ALKAL2: variants seen among roughly 807,000 people sequenced by gnomAD.
The protein encoded by ALKAL2 is AUG-alpha.
A neutral mutation model predicts 18.5 loss-of-function variants in ALKAL2; 8 were observed. The observed-to-expected ratio is 0.43, with a 90% CI of 0.25 to 0.78. ALKAL2 has a LOEUF of 0.78. ALKAL2 is among the 30% of genes least tolerant of loss of function. The pLI is 0.22. For missense variants in ALKAL2, 241 were observed against 211.2 expected, an observed-to-expected ratio of 1.14 and a Z score of -0.88; for synonymous variants, 135 against 95.8, an observed-to-expected ratio of 1.41 and a Z score of -2.39.
At chr2:285,980 G>A (rs1415929015) in intron 4 of ALKAL2, 143 bp downstream of exon 4, 3 of 652,654 alleles carry the variant, frequency 4.6e-6, no homozygotes, top group Non-Finnish European at 8.0e-6. Context: ...ATGGTCTGGC[G>A]ATCTTGGCCC....
rs911236707 is a variant in ALKAL2 at position 283,303 on chromosome 2, G to A, written c.389-128C>T. On this transcript the variant is annotated intron_variant, in intron 4 of 5. Transcript: ENST00000403610. ...TATCTGAATTCCCTGGAAGCAATACGGAGTCTAATCTGCAGGCATGCATTC... is the reference window on the plus strand; with the variant it reads ...TATCTGAATTCCCTGGAAGCAATACAGAGTCTAATCTGCAGGCATGCATTC... 3.4e-5 allele frequency: 49 copies of A among 1,462,400 alleles called. No individual in the cohort carries two copies. In the East Asian group the frequency reaches 5.4e-4, roughly 16 times the overall value. 90.6% of individuals were successfully genotyped at this position (1,462,400 alleles called of 1,614,324 possible).
At chr2:287,539 T>C (rs1185763316) in intron 2 of ALKAL2, 44 bp downstream of exon 2, 1 of 1,315,054 alleles carries the variant, frequency 7.6e-7, no homozygotes, top group Non-Finnish European at 9.8e-7. Flanking sequence ...GACAATTCTA[T>C]TTCCCAGCAG....
chr2:284,646 C>T (rs984504082), intron 4 of ALKAL2, among the ~76,000 whole-genome samples: 1 of 152,202 alleles, frequency 6.6e-6, no homozygotes, highest in Non-Finnish European at 1.5e-5. Context: ...GTATCGAATG[C>T]AGGCACAGCA....
intron 4 of ALKAL2, among the ~76,000 whole-genome samples, chr2:283,788 G>A (rs1670426295): frequency 6.6e-6 from 1 of 152,172 alleles, no homozygotes; most frequent in East Asian, 1.9e-4. Context: ...GGGAAAATAT[G>A]TCCTCTGGGT....
At position 288,071 on chromosome 2, in the gene ALKAL2, C is replaced by G. The variant is rs1670592418; in HGVS notation, c.-116G>C. ...AGGGAGCCGCGGTCTCCTCGACGAT[C>G]ACGCCCGAGGTCCCGCCCACGGGGA... is the stretch of plus-strand genomic sequence containing the variant. On this transcript the variant is annotated 5_prime_UTR_variant, in exon 1 of 6. Transcript: ENST00000403610. 8.3e-7 allele frequency: 1 copy of G among 1,202,228 alleles called. No homozygotes were observed. Among genetic ancestry groups the G allele is most frequent in the Non-Finnish European group, 1.0e-6 (1 of 970,088 alleles). 74.5% of individuals were successfully genotyped at this position (1,202,228 alleles called of 1,614,324 possible). A position where few individuals can be genotyped will look rare whatever the true frequency, so the allele number is the denominator to read the frequency against.
intron 5 of ALKAL2, among the ~76,000 whole-genome samples, chr2:281,579 T>A (rs1670350803): frequency 6.6e-6 from 1 of 152,176 alleles, no homozygotes; most frequent in Non-Finnish European, 1.5e-5. Context: ...CCCACTGACA[T>A]GACCACGTCC....
chr2:287,715 C>G lies in ALKAL2; in HGVS notation c.121G>C (p.Val41Leu). 1.4e-6 allele frequency: 2 copies of G among 1,475,506 alleles called. No individual in the cohort carries two copies. Among genetic ancestry groups the G allele is most frequent in the Middle Eastern group, 2.1e-4 (1 of 4,732 alleles). 91.4% of individuals were successfully genotyped at this position (1,475,506 alleles called of 1,614,324 possible). A position where few individuals can be genotyped will look rare whatever the true frequency, so the allele number is the denominator to read the frequency against. The change falls in exon 2 of 6, where the codon GTG becomes CTG. Residue 41 changes from valine to leucine, a missense_variant. By Grantham distance (32) the Val-to-Leu change is conservative. Coordinates refer to ENST00000403610, the MANE Select transcript of ALKAL2 (RefSeq NM_001002919.3). Reference sequence around the variant, plus strand: ...CGCAGCTCCTGGACGAGTTCCACCACCAGCCGCAGCAGCGCCTGTCCGTCC... The same window carrying G: ...CGCAGCTCCTGGACGAGTTCCACCAGCAGCCGCAGCAGCGCCTGTCCGTCC... ...PADGQALLRL[V>L]VELVQELRKH...
intron 5 of ALKAL2, among the ~76,000 whole-genome samples, chr2:281,892 A>G (rs532573785): frequency 6.6e-6 from 1 of 152,314 alleles, no homozygotes; most frequent in East Asian, 1.9e-4. Context: ...TGTGTGACAC[A>G]TAGGCAGTGG....
chr2:279,897 A>G lies in ALKAL2; in HGVS notation c.*250T>C. On this transcript the variant is annotated 3_prime_UTR_variant, in exon 6 of 6. Transcript: ENST00000403610. The stretch of plus-strand genomic sequence containing the variant: ...CTGTGTTTTATAGCACTACACGTCA[A>G]ATGTGGAGCATTCCTTTTGTGTTTT... The G allele has an allele frequency of 2.0e-6, 1 of 493,022 alleles. No homozygotes were observed. Among genetic ancestry groups the G allele is most frequent in the Non-Finnish European group, 3.6e-6 (1 of 274,606 alleles). The allele number at this position is 493,022 out of a possible 1,614,324, so 30.5% of individuals were successfully genotyped here. A position where few individuals can be genotyped will look rare whatever the true frequency, so the allele number is the denominator to read the frequency against.
chr2:282,444 C>G (rs1015602488), intron 5 of ALKAL2, among the ~76,000 whole-genome samples: 2 of 152,206 alleles, frequency 1.3e-5, no homozygotes, highest in Non-Finnish European at 2.9e-5. Context: ...GGTGAAATTA[C>G]AGTTGCATCC....
At chr2:283,441 T>C in intron 4 of ALKAL2, 1 of 985,426 alleles carries the variant, frequency 1.0e-6, no homozygotes, top group Non-Finnish European at 1.2e-6. Context: ...GAAGGCTGCA[T>C]GGCTGAGCTG....
At chr2:287,412 T>C (rs1572209853) in intron 2 of ALKAL2, 171 bp downstream of exon 2, 1 of 496,032 alleles carries the variant, frequency 2.0e-6, no homozygotes, top group Non-Finnish European at 3.1e-6. Flanking sequence ...CCGCCAGGCC[T>C]CATGCGCGGA....
chr2:281,478 G>GGGGATT (rs765926484), intron 5 of ALKAL2, among the ~76,000 whole-genome samples: 9 of 152,156 alleles, frequency 5.9e-5, no homozygotes, highest in Non-Finnish European at 1.3e-4. Context: ...GGACTATCAA[G>GGGGATT]GGGATTCTGC....
intron 4 of ALKAL2, among the ~76,000 whole-genome samples, chr2:283,933 T>C (rs1349384315): frequency 1.3e-5 from 2 of 152,334 alleles, no homozygotes; most frequent in East Asian, 1.9e-4. Flanking sequence ...CAATGACAAA[T>C]GTGTACGATA....
chr2:285,580 T>C (rs1670482285), intron 4 of ALKAL2, among the ~76,000 whole-genome samples: 1 of 152,128 alleles, frequency 6.6e-6, no homozygotes, highest in African/African-American at 2.4e-5. Context: ...TTAGGAAGAC[T>C]GAAAAGAAAC....
chr2:287,728 C>T lies in ALKAL2; in HGVS notation c.108G>A (p.Ala36=), dbSNP rs987326777. The change falls in exon 2 of 6, where the codon GCG becomes GCA. Residue 36 remains alanine (A), a synonymous_variant. Transcript: ENST00000403610. ...AEPREPADGQ[A]LLRLVVELVQ... ...CGAGTTCCACCACCAGCCGCAGCAG[C>T]GCCTGTCCGTCCGCCGGCTCCCGGG... 2.1e-6 allele frequency: 3 copies of T among 1,462,592 alleles called. No individual in the cohort carries two copies. Among genetic ancestry groups the T allele is most frequent in the African/African-American group, 2.9e-5 (2 of 68,110 alleles). The allele number at this position is 1,462,592 out of a possible 1,614,324, so 90.6% of individuals were successfully genotyped here.
intron 5 of ALKAL2, among the ~76,000 whole-genome samples, chr2:280,863 G>T (rs1670317539): frequency 6.6e-6 from 1 of 152,254 alleles, no homozygotes; most frequent in Admixed American, 6.5e-5. Flanking sequence ...AGCCCTTCCT[G>T]CTAAAGGCCT....
At position 284,583 on chromosome 2, in the gene ALKAL2, G is replaced by A. The variant is rs919550141; in HGVS notation, c.389-1408C>T. The stretch of plus-strand genomic sequence containing the variant: ...TCTCCCTCTCCATGGCCCAGGGTGA[G>A]CTGTGATCAGGAGCTTAGTATCACA... On this transcript the variant is annotated intron_variant, in intron 4 of 5. Coordinates refer to ENST00000403610, the MANE Select transcript of ALKAL2 (RefSeq NM_001002919.3). 2.0e-5 allele frequency among the ~76,000 whole-genome samples: 3 copies of A among 152,322 alleles called. No individual in the cohort carries two copies. The East Asian group carries it at 5.8e-4, about 29-fold the overall frequency.
At chr2:287,408 G>C in intron 2 of ALKAL2, 175 bp downstream of exon 2, 1 of 485,044 alleles carries the variant, frequency 2.1e-6, no homozygotes, top group Non-Finnish European at 3.3e-6. Context: ...TTCTCCGCCA[G>C]GCCTCATGCG....
Sources: allele counts gnomAD v4.1 joint callset (sites outside exome capture counted in the v4.1 genomes callset), GRCh38; gene constraint gnomAD v4.1.1; transcripts MANE v1.5; gene names NCBI Gene and HGNC (gene_info 2026-07-23, HGNC 2026-07-21).